The following MAGI1 variants were observed in gnomAD, a reference collection of about 807,000 sequenced individuals.
MAGI1 encodes membrane-associated guanylate kinase, WW and PDZ domain-containing protein 1.
Under a neutral mutation model 139.9 loss-of-function variants are expected in MAGI1, and 58 were observed. The ratio of observed to expected loss-of-function variants is 0.41; its 90% confidence interval spans 0.34 to 0.52. The LOEUF (loss-of-function observed/expected upper bound fraction) is 0.52, where lower values mean the gene tolerates loss of function less well. Among genes scored for constraint, MAGI1 ranks in the 20% least tolerant of loss-of-function variants. The pLI is 0.12. For synonymous variants in MAGI1, 812 were observed against 737.9 expected, an observed-to-expected ratio of 1.10 and a Z score of -1.63; for missense variants, 1,874 against 1,901.6, an observed-to-expected ratio of 0.99 and a Z score of 0.27.
intron 1 of MAGI1, among the ~76,000 whole-genome samples, chr3:65,831,676 CA>C (rs1158292118): frequency 6.6e-6 from 1 of 151,710 alleles, no homozygotes; most frequent in Non-Finnish European, 1.5e-5. Context: ...CTCATGAGGC[CA>C]AAACAAAAAA....
At chr3:65,944,334 G>A (rs1418134563) in intron 1 of MAGI1, among the ~76,000 whole-genome samples, 4 of 151,650 alleles carry the variant, frequency 2.6e-5, no homozygotes, top group African/African-American at 4.8e-5. Flanking sequence ...GCAACATAGC[G>A]AGACTCTATC....
intron 1 of MAGI1, among the ~76,000 whole-genome samples, chr3:65,626,458 G>A (rs1013559313): frequency 3.3e-5 from 5 of 152,084 alleles, no homozygotes; most frequent in Admixed American, 6.6e-5. Context: ...CCAAGTAGCT[G>A]GGACTACAGG....
intron 1 of MAGI1, among the ~76,000 whole-genome samples, chr3:65,931,975 T>C (rs1252079526): frequency 6.6e-6 from 1 of 152,154 alleles, no homozygotes; most frequent in African/African-American, 2.4e-5. Flanking sequence ...TTCCTGAAAC[T>C]TGGAGTTACC....
intron 2 of MAGI1, among the ~76,000 whole-genome samples, chr3:65,506,962 A>C (rs2077313999): frequency 6.6e-6 from 1 of 152,230 alleles, no homozygotes; most frequent in Non-Finnish European, 1.5e-5. Context: ...AAGCCTTCTC[A>C]AGTATACAGC....
chr3:65,741,414 T>C lies in MAGI1; in HGVS notation c.314-119326A>G, dbSNP rs1379795519. ...TGGACTCAGTCTCCTGACCTCCTGA[T>C]CCGCCCGCCTCGGCCTCCCAAAGTG... On this transcript the variant is annotated intron_variant, in intron 1 of 22. Transcript: ENST00000402939. Among the ~76,000 whole-genome samples the C allele has an allele frequency of 2.6e-5, 4 of 152,294 alleles. 1 individual carries two copies. Among genetic ancestry groups the C allele is most frequent in the African/African-American group, 9.6e-5 (4 of 41,576 alleles).
chr3:65,835,760 C>A (rs2108314390), intron 1 of MAGI1, among the ~76,000 whole-genome samples: 1 of 152,228 alleles, frequency 6.6e-6, no homozygotes, highest in African/African-American at 2.4e-5. Context: ...TATTTACAGA[C>A]CATTATTTGG....
At chr3:65,992,383 C>T (rs145208554) in intron 1 of MAGI1, among the ~76,000 whole-genome samples, 1 of 152,338 alleles carries the variant, frequency 6.6e-6, no homozygotes, top group Non-Finnish European at 1.5e-5. Context: ...TCCTTGAGTA[C>T]TAGCCTTTAT....
At chr3:65,402,741 AG>A (rs1945012699) in intron 12 of MAGI1, among the ~76,000 whole-genome samples, 1 of 152,188 alleles carries the variant, frequency 6.6e-6, no homozygotes, top group Non-Finnish European at 1.5e-5. Flanking sequence ...GTGAGTAAGG[AG>A]GAAGCAGCCC....
chr3:65,936,412 C>T (rs530715567), intron 1 of MAGI1, among the ~76,000 whole-genome samples: 2 of 152,042 alleles, frequency 1.3e-5, no homozygotes, highest in Admixed American at 6.6e-5. Context: ...CTGAGGCATA[C>T]CGATCACCTG....
At chr3:65,962,735 G>C (rs1024564667) in intron 1 of MAGI1, among the ~76,000 whole-genome samples, 2 of 146,634 alleles carry the variant, frequency 1.4e-5, no homozygotes, top group African/African-American at 5.1e-5. Flanking sequence ...TGAGACACAA[G>C]AAACACTTGA....
intron 1 of MAGI1, among the ~76,000 whole-genome samples, chr3:65,815,473 C>T (rs375196281): frequency 5.3e-5 from 8 of 152,274 alleles, no homozygotes; most frequent in Admixed American, 2.0e-4. Flanking sequence ...CCTCCCCCAG[C>T]TCACTTGAAA....
chr3:65,479,092 A>G (rs576379052), intron 3 of MAGI1, among the ~76,000 whole-genome samples: 11 of 152,322 alleles, frequency 7.2e-5, no homozygotes, highest in African/African-American at 2.6e-4. Context: ...TTACATTTGA[A>G]TATCAATTGG....
chr3:65,503,658 A>C (rs1216346305), intron 2 of MAGI1, among the ~76,000 whole-genome samples: 5 of 152,224 alleles, frequency 3.3e-5, no homozygotes, highest in Non-Finnish European at 7.3e-5. Flanking sequence ...TGTGTGATGA[A>C]GGTATTGGAA....
chr3:65,906,399 T>C (rs2061434517), intron 1 of MAGI1, among the ~76,000 whole-genome samples: 1 of 152,150 alleles, frequency 6.6e-6, no homozygotes, highest in Non-Finnish European at 1.5e-5. Context: ...CTGGTCAGTT[T>C]AATACAGGGC....
chr3:65,368,673 C>T (rs565559425), intron 18 of MAGI1, among the ~76,000 whole-genome samples: 7 of 152,222 alleles, frequency 4.6e-5, no homozygotes, highest in Non-Finnish European at 7.4e-5. Flanking sequence ...TATCTAAGGG[C>T]GGCATGGGGA....
chr3:65,446,020 C>T (rs1041731263), intron 7 of MAGI1, among the ~76,000 whole-genome samples: 3 of 152,140 alleles, frequency 2.0e-5, no homozygotes, highest in African/African-American at 4.8e-5. Flanking sequence ...ACTCTTTACA[C>T]AGTGGACATG....
intron 1 of MAGI1, among the ~76,000 whole-genome samples, chr3:65,757,382 C>T (rs541397118): frequency 3.9e-5 from 6 of 152,338 alleles, no homozygotes; most frequent in East Asian, 1.9e-4. Context: ...TGGTGGCTCA[C>T]GCCTGTAATC....
intron 2 of MAGI1, among the ~76,000 whole-genome samples, chr3:65,521,844 T>A (rs779186748): frequency 1.3e-5 from 2 of 152,242 alleles, no homozygotes; most frequent in Non-Finnish European, 2.9e-5. Context: ...GCATAAACCA[T>A]AGCTTTGCTA....
intron 2 of MAGI1, among the ~76,000 whole-genome samples, chr3:65,605,449 C>T (rs940734453): frequency 6.6e-6 from 1 of 152,110 alleles, no homozygotes; most frequent in Non-Finnish European, 1.5e-5. Context: ...TTGATACTTG[C>T]TGGGGAGTAT....
Sources: gnomAD v4.1 joint callset for allele counts (sites outside exome capture counted in the v4.1 genomes callset) on GRCh38, gnomAD v4.1.1 for gene constraint, MANE v1.5 for transcripts, NCBI Gene and HGNC (gene_info 2026-07-23, HGNC 2026-07-21) for gene names.